PAPPA2: variants seen among roughly 807,000 people sequenced by gnomAD.
The protein encoded by PAPPA2 is pappalysin-2.
PAPPA2 carries 86 observed loss-of-function variants against 176.4 expected under a neutral mutation model. That is an observed-to-expected ratio of 0.49 (90% CI 0.41 to 0.58). The LOEUF (loss-of-function observed/expected upper bound fraction) is 0.58, where lower values mean the gene tolerates loss of function less well. Among genes scored for constraint, PAPPA2 ranks in the 20% least tolerant of loss-of-function variants. The pLI, the probability that PAPPA2 is intolerant of heterozygous loss-of-function variation, is 0.00. For missense variants in PAPPA2, 2,073 were observed against 2,256.9 expected, an observed-to-expected ratio of 0.92 and a Z score of 1.65; for synonymous variants, 809 against 852.2, an observed-to-expected ratio of 0.95 and a Z score of 0.88.
rs1220831216 is a variant in PAPPA2, at chr1:176,535,008, C to A, written c.-916-20399C>A. On this transcript the variant is annotated intron_variant, in intron 1 of 22. Transcript: ENST00000367662. ...CCCTGTGTTCCTTGTGCTCTGGTTC[C>A]CATCAGGAATTAGAGAACCAGAGGG... Among the ~76,000 whole-genome samples, 3 of 152,102 alleles carry A rather than the reference C, an allele frequency of 2.0e-5. No individual in the cohort carries two copies. The East Asian group carries it at 5.8e-4, about 29-fold the overall frequency.
At chr1:176,626,523 A>G (rs1656027482) in intron 3 of PAPPA2, among the ~76,000 whole-genome samples, 1 of 152,234 alleles carries the variant, frequency 6.6e-6, no homozygotes, top group African/African-American at 2.4e-5. Context: ...TCTCTCAGAA[A>G]AGTCAAACTG....
At chr1:176,648,138 A>G (rs1657519487) in intron 3 of PAPPA2, among the ~76,000 whole-genome samples, 1 of 151,434 alleles carries the variant, frequency 6.6e-6, no homozygotes, top group African/African-American at 2.4e-5. Context: ...AGTTTTTTGT[A>G]TAGACTTTTA....
intron 14 of PAPPA2, among the ~76,000 whole-genome samples, chr1:176,742,314 A>G (rs915468562): frequency 1.1e-4 from 17 of 152,312 alleles, no homozygotes; most frequent in African/African-American, 3.6e-4. Flanking sequence ...GAAAAAAAAA[A>G]AGTAGAAGTT....
intron 17 of PAPPA2, among the ~76,000 whole-genome samples, chr1:176,782,935 A>G (rs758956535): frequency 9.9e-5 from 15 of 152,188 alleles, no homozygotes; most frequent in Non-Finnish European, 1.9e-4. Flanking sequence ...TTTCAGAAAC[A>G]CCTGGGAGGT....
At chr1:176,634,348 C>A (rs1037699776) in intron 3 of PAPPA2, among the ~76,000 whole-genome samples, 96 of 149,996 alleles carry the variant, frequency 6.4e-4, no homozygotes, top group African/African-American at 2.2e-3. Flanking sequence ...GGACAAAAAA[C>A]CAAACACTGC....
chr1:176,647,296 T>C (rs1257890931), intron 3 of PAPPA2, among the ~76,000 whole-genome samples: 2 of 151,742 alleles, frequency 1.3e-5, no homozygotes, highest in African/African-American at 2.4e-5. Context: ...GAGCTCCGTA[T>C]ATATTCTGGT....
rs773473194 is a variant in PAPPA2, at chr1:176,670,973, A to C, written c.1995A>C (p.Ala665=). ...TCFDPDSPKR[A]YMSVKELKEA... is the part of the protein sequence containing the mutation. ...TTTCATCTTGCATGCTCTCTAGGGCATACATGAGTGTGAAGGAGCTGAAGG... is the reference window on the plus strand; with the variant it reads ...TTTCATCTTGCATGCTCTCTAGGGCCTACATGAGTGTGAAGGAGCTGAAGG... Residue 665 remains alanine (A), a synonymous_variant, in exon 4 of 23, where the codon GCA becomes GCC. Transcript: ENST00000367662. 2 of 1,613,834 alleles carry C rather than the reference A, an allele frequency of 1.2e-6. No homozygotes were observed. Among genetic ancestry groups the C allele is most frequent in the East Asian group, 4.5e-5 (2 of 44,852 alleles).
chr1:176,644,645 T>G (rs981272336), intron 3 of PAPPA2, among the ~76,000 whole-genome samples: 3 of 151,756 alleles, frequency 2.0e-5, no homozygotes, highest in Non-Finnish European at 2.9e-5. Flanking sequence ...CAATCTAGGT[T>G]CAAGTTTCGG....
At chr1:176,477,252 A>C (rs1652170596) in intron 1 of PAPPA2, among the ~76,000 whole-genome samples, 1 of 152,124 alleles carries the variant, frequency 6.6e-6, no homozygotes, top group Admixed American at 6.5e-5. Context: ...TTTCCTTTGA[A>C]GGCTCAAGAA....
At chr1:176,498,375 A>G (rs1647749922) in intron 1 of PAPPA2, among the ~76,000 whole-genome samples, 1 of 152,120 alleles carries the variant, frequency 6.6e-6, no homozygotes, top group South Asian at 2.1e-4. Context: ...CACCTATCAC[A>G]AACCTAAACA....
rs142695512 is a variant in PAPPA2, at chr1:176,681,808, A to C, written c.2138-8329A>C. Among the ~76,000 whole-genome samples the C allele has an allele frequency of 2.1e-3, 320 of 152,268 alleles. 3 individuals are homozygous for C. The highest frequency in any genetic ancestry group is 7.5e-3 in the African/African-American group (313 of 41,560). On this transcript the variant is annotated intron_variant, in intron 4 of 22. Transcript: ENST00000367662. Reference sequence around the variant, plus strand: ...TTGCAATGGTAGAACTGCTTGTAAGAAGCAGAGGGAGCTTCCTTATAAATT... The same window carrying C: ...TTGCAATGGTAGAACTGCTTGTAAGCAGCAGAGGGAGCTTCCTTATAAATT...
chr1:176,598,984 G>A (rs1249259635), intron 3 of PAPPA2, among the ~76,000 whole-genome samples: 2 of 152,070 alleles, frequency 1.3e-5, no homozygotes, highest in African/African-American at 2.4e-5. Context: ...TTTTGAAAAT[G>A]CACTTCTCAG....
chr1:176,778,521 A>G (rs1463222872), intron 17 of PAPPA2, among the ~76,000 whole-genome samples: 1 of 152,202 alleles, frequency 6.6e-6, no homozygotes, highest in African/African-American at 2.4e-5. Flanking sequence ...GAAGGGAAAG[A>G]AAGACTTGGT....
At chr1:176,486,478 C>A (rs377001411) in intron 1 of PAPPA2, among the ~76,000 whole-genome samples, 165 of 152,190 alleles carry the variant, frequency 1.1e-3, no homozygotes, top group African/African-American at 3.8e-3. Flanking sequence ...ATATGTACAA[C>A]AAGAGAAGTT....
At chr1:176,785,414 C>A (rs1664892927) in intron 17 of PAPPA2, among the ~76,000 whole-genome samples, 1 of 152,070 alleles carries the variant, frequency 6.6e-6, no homozygotes, top group African/African-American at 2.4e-5. Flanking sequence ...TAGAGAGATG[C>A]AGAAGTCCTG....
intron 4 of PAPPA2, among the ~76,000 whole-genome samples, chr1:176,683,911 C>T (rs1264772522): frequency 1.3e-5 from 2 of 152,150 alleles, no homozygotes; most frequent in African/African-American, 4.8e-5. Flanking sequence ...TTATTGGACC[C>T]ACTACCATCT....
intron 12 of PAPPA2, among the ~76,000 whole-genome samples, chr1:176,723,986 C>T (rs933569573): frequency 2.6e-5 from 4 of 152,094 alleles, no homozygotes; most frequent in Non-Finnish European, 5.9e-5. Flanking sequence ...ACTCAAAGTG[C>T]TTTTTCTACA....
intron 1 of PAPPA2, among the ~76,000 whole-genome samples, chr1:176,544,648 A>G (rs1171639680): frequency 6.6e-6 from 1 of 152,086 alleles, no homozygotes; most frequent in Non-Finnish European, 1.5e-5. Context: ...CAATTCCCGC[A>G]CTATCTACCT....
At chr1:176,782,477 T>C (rs7528123) in intron 17 of PAPPA2, among the ~76,000 whole-genome samples, 62,788 of 151,880 alleles carry the variant, frequency 0.41, 14,390 homozygotes, top group African/African-American at 0.6. Context: ...TAAGGATGCT[T>C]TTGGGTGGTA....
Sources: allele counts gnomAD v4.1 joint callset (sites outside exome capture counted in the v4.1 genomes callset), GRCh38; gene constraint gnomAD v4.1.1; transcripts MANE v1.5; gene names NCBI Gene and HGNC (gene_info 2026-07-23, HGNC 2026-07-21).